AP3M1: variants seen among roughly 807,000 people sequenced by gnomAD.
AP3M1 encodes the protein adaptor related protein complex 3 subunit mu 1, also known as AP-3 complex subunit mu-1.
In AP3M1, 29 loss-of-function variants were observed where a neutral mutation model predicts 42.6. The observed-to-expected ratio is 0.68, with a 90% CI of 0.51 to 0.93. AP3M1 has a LOEUF of 0.93. Ranked by LOEUF, AP3M1 falls within the 40% of genes least tolerant of loss-of-function variation. The pLI, the probability that AP3M1 is intolerant of heterozygous loss-of-function variation, is 0.00. For synonymous variants in AP3M1, 178 were observed against 175.3 expected (o/e 1.02, Z -0.12); for missense variants, 416 against 510.2 (o/e 0.82, Z 1.78).
At position 74,136,636 on chromosome 10, in the gene AP3M1, AAT is replaced by A; in HGVS notation, c.439_440del (p.Ile147TyrfsTer4). Reference protein sequence around the residue: ...PTILRSVVNSITGSSNVGDTL... With the variant: ...PTILRSVVNSXTGSSNVGDTL... ...CACAGTATGTTTTCATCTTACCTGT[AAT>A]AGAGTTGACAACAGAGCGTAGAATT... On this transcript the variant is annotated frameshift_variant, in exon 3 of 9. Transcript: ENST00000355264. LOFTEE classifies it high-confidence loss of function. 6.4e-7 allele frequency: 1 copy of A among 1,552,644 alleles called. No individual in the cohort carries two copies. Among genetic ancestry groups the A allele is most frequent in the Non-Finnish European group, 8.8e-7 (1 of 1,136,162 alleles).
chr10:74,131,711 T>C (rs560030357), intron 4 of AP3M1, among the ~76,000 whole-genome samples: 1 of 151,692 alleles, frequency 6.6e-6, no homozygotes, highest in Admixed American at 6.6e-5. Flanking sequence ...TAGCTAATCT[T>C]TTAAATTTTT....
chr10:74,130,313 T>A (rs1311746998), intron 4 of AP3M1, among the ~76,000 whole-genome samples: 1 of 152,202 alleles, frequency 6.6e-6, no homozygotes, highest in East Asian at 1.9e-4. Flanking sequence ...TATTAACAGG[T>A]CAGGGGACAA....
At chr10:74,147,187 A>C (rs1841357672) in intron 1 of AP3M1, among the ~76,000 whole-genome samples, 1 of 152,216 alleles carries the variant, frequency 6.6e-6, no homozygotes, top group Non-Finnish European at 1.5e-5. Flanking sequence ...CTGGAGGCTG[A>C]GGCAGGAGAA....
rs1420060612 is a variant in AP3M1 at position 74,122,147 on chromosome 10, C to T, written c.*1663G>A. On this transcript the variant is annotated 3_prime_UTR_variant, in exon 9 of 9. Transcript: ENST00000355264. ...TTGGCAACATTTTGACTTTAACTGC[C>T]AATCTGAGATTAGTTTCTTCAGAAA... 2.6e-5 allele frequency: 4 copies of T among 152,150 alleles called. No homozygotes were observed. Among genetic ancestry groups the T allele is most frequent in the African/African-American group, 9.7e-5 (4 of 41,442 alleles). The allele number at this position is 152,150 out of a possible 1,614,324, so 9.4% of individuals were successfully genotyped here. A position where few individuals can be genotyped will look rare whatever the true frequency, so the allele number is the denominator to read the frequency against.
Position 74,138,095 on chromosome 10 carries a change from T to C in AP3M1, c.273+12A>G, listed in dbSNP as rs1413106456. 1 of 1,611,038 alleles carries C rather than the reference T, an allele frequency of 6.2e-7. No individual in the cohort carries two copies. The highest frequency in any genetic ancestry group is 8.5e-7 in the Non-Finnish European group (1 of 1,178,394). The stretch of plus-strand genomic sequence containing the variant: ...GGTCATTTAACTTAGAAAGGTATGA[T>C]AGATAACCAACCTGAAAAGTGTCAG... On this transcript the variant is annotated intron_variant, in intron 2 of 8. Transcript: ENST00000355264.
chr10:74,146,037 T>A (rs988461144), intron 1 of AP3M1, among the ~76,000 whole-genome samples: 1 of 152,144 alleles, frequency 6.6e-6, no homozygotes, highest in East Asian at 1.9e-4. Context: ...CAAACAAAAT[T>A]AGAGTTCCTA....
At chr10:74,130,314 C>G (rs1388671009) in intron 4 of AP3M1, among the ~76,000 whole-genome samples, 1 of 152,140 alleles carries the variant, frequency 6.6e-6, no homozygotes, top group Non-Finnish European at 1.5e-5. Flanking sequence ...ATTAACAGGT[C>G]AGGGGACAAG....
intron 2 of AP3M1, among the ~76,000 whole-genome samples, chr10:74,137,253 C>T (rs1247367157): frequency 6.6e-6 from 1 of 151,768 alleles, no homozygotes; most frequent in Non-Finnish European, 1.5e-5. Context: ...CAAAACAAAA[C>T]AAAACAAAAC....
intron 1 of AP3M1, among the ~76,000 whole-genome samples, chr10:74,148,171 A>C (rs921085735): frequency 2.0e-5 from 3 of 152,202 alleles, no homozygotes; most frequent in African/African-American, 7.2e-5. Context: ...AGCAGTTCAT[A>C]AAGTGAAGGA....
intron 2 of AP3M1, 28 bp from the exon 3 acceptor site, chr10:74,136,831 C>T (rs759280300): frequency 6.9e-7 from 1 of 1,439,668 alleles, no homozygotes; most frequent in Non-Finnish European, 9.3e-7. Flanking sequence ...AAATATCACA[C>T]AATGGAAGGC....
intron 1 of AP3M1, among the ~76,000 whole-genome samples, chr10:74,139,687 G>A (rs1282908679): frequency 6.6e-6 from 1 of 151,924 alleles, no homozygotes; most frequent in Non-Finnish European, 1.5e-5. Context: ...GGAGGCCGAG[G>A]TGGGTGGATC....
At position 74,124,499 on chromosome 10, in the gene AP3M1, A is replaced by AT; in HGVS notation, c.1036dup (p.Ile346AsnfsTer10). On this transcript the variant is annotated frameshift_variant, in exon 8 of 9. Coordinates refer to ENST00000355264, the MANE Select transcript of AP3M1 (RefSeq NM_012095.6). LOFTEE classifies it high-confidence loss of function. ...AAGACTTGGGAGCTTTTGTGGAGTAATTTTTCCCACATCCCATGTTAGTAC... is the reference window on the plus strand; with the variant it reads ...AAGACTTGGGAGCTTTTGTGGAGTAATTTTTTCCCACATCCCATGTTAGTAC... The AT allele has an allele frequency of 6.2e-7, 1 of 1,609,772 alleles. No homozygotes were observed. Among genetic ancestry groups the AT allele is most frequent in the Non-Finnish European group, 8.5e-7 (1 of 1,178,758 alleles).
At chr10:74,128,311 C>T (rs1840680534) in intron 6 of AP3M1, among the ~76,000 whole-genome samples, 1 of 150,026 alleles carries the variant, frequency 6.7e-6, no homozygotes, top group Admixed American at 6.7e-5. Context: ...TGTGATCTGT[C>T]ACTGCAACCT....
At position 74,124,407 on chromosome 10, in the gene AP3M1, A is replaced by G; in HGVS notation, c.1129T>C (p.Phe377Leu). ...GAAATAGCAAGCTGCTGGATCTTAA[A>G]CTGTATGTTGAGGCTCGGATTCTCT... ...PEENPSLNIQ[F>L]KIQQLAISGL... The change falls in exon 8 of 9, where the codon TTT becomes CTT. Residue 377 changes from phenylalanine (F) to leucine (L), a missense_variant. By Grantham distance (22) the Phe-to-Leu change is conservative (BLOSUM62 0). Transcript: ENST00000355264. The G allele has an allele frequency of 6.2e-7, 1 of 1,612,884 alleles. No individual in the cohort carries two copies. The highest frequency in any genetic ancestry group is 8.5e-7 in the Non-Finnish European group (1 of 1,179,620).
At chr10:74,149,636 T>G (rs940233692) in intron 1 of AP3M1, among the ~76,000 whole-genome samples, 1 of 152,090 alleles carries the variant, frequency 6.6e-6, no homozygotes, top group Non-Finnish European at 1.5e-5. Context: ...TCACTTCACT[T>G]CTCCTATAGT....
intron 1 of AP3M1, among the ~76,000 whole-genome samples, chr10:74,146,929 A>G (rs987590195): frequency 2.0e-5 from 3 of 152,132 alleles, no homozygotes; most frequent in African/African-American, 7.2e-5. Flanking sequence ...TTATTAGTGT[A>G]TTTCCAGAAG....
At chr10:74,126,390 A>C in intron 6 of AP3M1, 35 bp from the exon 7 acceptor site, 3 of 1,561,382 alleles carry the variant, frequency 1.9e-6, no homozygotes, top group Non-Finnish European at 2.6e-6. Flanking sequence ...ACAAAAGCAC[A>C]AACACAATTA....
intron 6 of AP3M1, 59 bp downstream of exon 6, chr10:74,129,049 G>C: frequency 6.3e-7 from 1 of 1,591,298 alleles, no homozygotes; most frequent in Non-Finnish European, 8.6e-7. Flanking sequence ...AAGAAACAGG[G>C]AAAGGTGAGT....
intron 1 of AP3M1, among the ~76,000 whole-genome samples, chr10:74,140,310 C>T (rs898137967): frequency 6.6e-6 from 1 of 152,268 alleles, no homozygotes; most frequent in African/African-American, 2.4e-5. Context: ...GCCAGCTGGT[C>T]GCCGTAGGTT....
Sources: allele counts gnomAD v4.1 joint callset (sites outside exome capture counted in the v4.1 genomes callset), GRCh38; gene constraint gnomAD v4.1.1; transcripts MANE v1.5; gene names NCBI Gene and HGNC (gene_info 2026-07-23, HGNC 2026-07-21).